Variants in MAP1A observed in about 807,000 individuals in gnomAD.
MAP1A encodes the protein microtubule associated protein 1A.
In MAP1A, 42 loss-of-function variants were observed where a neutral mutation model predicts 185.9. The ratio of observed to expected loss-of-function variants is 0.23; its 90% CI spans 0.18 to 0.29. MAP1A has a LOEUF of 0.29. Among genes scored for constraint, MAP1A ranks in the 10% least tolerant of loss-of-function variants. The probability of loss-of-function intolerance (pLI) is 1.00; values close to 1 mark genes in which losing one functional copy is unlikely to be tolerated. For synonymous variants in MAP1A, 1,229 were observed against 1,335.9 expected (o/e 0.92, Z 1.74); for missense variants, 2,995 against 3,450.4 (o/e 0.87, Z 3.31).
At position 43,529,917 on chromosome 15, in the gene MAP1A, C is replaced by A; in HGVS notation, c.8256+47C>A. ...GGAAGTAGTCTGGTCAACGCTCACTCAGAGGCAGTAGTGGAACACAGTCCC... is the reference window on the plus strand; with the variant it reads ...GGAAGTAGTCTGGTCAACGCTCACTAAGAGGCAGTAGTGGAACACAGTCCC... On this transcript the variant is annotated intron_variant, in intron 5 of 5. Transcript: ENST00000300231. The surrounding 1 kb of genome is among the most constrained non-coding windows in gnomAD (Gnocchi z 4.3). 6.3e-7 allele frequency: 1 copy of A among 1,586,346 alleles called. No individual in the cohort carries two copies. Among genetic ancestry groups the A allele is most frequent in the South Asian group, 1.1e-5 (1 of 90,024 alleles).
rs1487001045 is a variant in MAP1A at position 43,517,720 on chromosome 15, G to T, written c.-375+20G>T. Reference sequence around the variant, plus strand: ...CCCAGGGTAAGAACCGAACCAAAGGGCTTGGCATGTGGGGGTACACTGTGA... The same window carrying T: ...CCCAGGGTAAGAACCGAACCAAAGGTCTTGGCATGTGGGGGTACACTGTGA... On this transcript the variant is annotated intron_variant, in intron 1 of 5. Transcript: ENST00000300231. The T allele has an allele frequency of 1.1e-5, 10 of 935,938 alleles. No homozygotes were observed. The South Asian group carries it at 4.9e-4, about 46-fold the overall frequency. 58.0% of individuals were successfully genotyped at this position (935,938 alleles called of 1,614,324 possible). A position where few individuals can be genotyped will look rare whatever the true frequency, so the allele number is the denominator to read the frequency against.
rs756635169 is a variant in MAP1A at position 43,523,528 on chromosome 15, G to A, written c.2055G>A (p.Met685Ile). The change falls in exon 4 of 6, where the codon ATG becomes ATA. Residue 685 changes from methionine to isoleucine, a missense_variant. Around this residue, in one of 3 missense-constraint regions of MAP1A, gnomAD observed 2,728 missense variants for 2,986.0 expected, o/e 0.91. Coordinates refer to ENST00000300231, the MANE Select transcript of MAP1A (RefSeq NM_002373.6). ...CTGAGGGTTTTTACCAAAAACATAT[G>A]CAGGAACCCTTGAAGGTAACTCCAA... ...TKAEGFYQKH[M>I]QEPLKVTPRS... 3 of 1,614,174 alleles carry A rather than the reference G, an allele frequency of 1.9e-6. No individual in the cohort carries two copies. Among genetic ancestry groups the A allele is most frequent in the Middle Eastern group, 1.6e-4 (1 of 6,062 alleles).
In MAP1A at chr15:43,526,198, C is replaced by T. The variant is rs747504261; in HGVS notation, c.4725C>T (p.Asn1575=). Residue 1575 remains asparagine (N), a synonymous_variant, in exon 4 of 6, where the codon AAC becomes AAT. Transcript: ENST00000300231. The surrounding 1 kb of genome is among the most constrained non-coding windows in gnomAD (Gnocchi z 4.7). ...LEQNIQALEE[N]HQTQEQESLV... ...AAAACATTCAGGCTCTGGAAGAGAA[C>T]CACCAAACTCAGGAGCAGGAGAGCC... The T allele has an allele frequency of 9.9e-6, 16 of 1,613,444 alleles. No homozygotes were observed. The highest frequency in any genetic ancestry group is 2.2e-5 in the East Asian group (1 of 44,902).
At chr15:43,519,076 A>T (rs1431344076) in intron 1 of MAP1A, among the ~76,000 whole-genome samples, 1 of 152,110 alleles carries the variant, frequency 6.6e-6, no homozygotes, top group Non-Finnish European at 1.5e-5. Context: ...CCTACCTCAA[A>T]TTTATGACCT....
chr15:43,516,189 CT>C (rs201843735), upstream of MAP1A, among the ~76,000 whole-genome samples: 453 of 152,262 alleles, frequency 3.0e-3, 2 homozygotes, highest in Admixed American at 0.011. Flanking sequence ...CTGGTTTTCC[CT>C]GTGTATCTCT....
At position 43,524,764 on chromosome 15, in the gene MAP1A, A is replaced by C. The variant is rs779047519; in HGVS notation, c.3291A>C (p.Ala1097=). Residue 1097 remains alanine, a synonymous_variant, in exon 4 of 6, where the codon GCA becomes GCC. Coordinates refer to ENST00000300231, the MANE Select transcript of MAP1A (RefSeq NM_002373.6). ...TIQLLPAQDK[A]IVFEIMEAGE... ...AACTGTTGCCAGCACAGGATAAAGCAATAGTCTTTGAGATTATGGAGGCAG... is the reference window on the plus strand; with the variant it reads ...AACTGTTGCCAGCACAGGATAAAGCCATAGTCTTTGAGATTATGGAGGCAG... 1 of 1,614,174 alleles carries C rather than the reference A, an allele frequency of 6.2e-7. No individual in the cohort carries two copies. Among genetic ancestry groups the C allele is most frequent in the Admixed American group, 1.7e-5 (1 of 60,026 alleles).
chr15:43,531,144 TCCC>T lies in MAP1A; in HGVS notation c.*923_*925del, dbSNP rs1382496863. The T allele has an allele frequency of 6.6e-6, 1 of 152,562 alleles. No individual in the cohort carries two copies. Among genetic ancestry groups the T allele is most frequent in the Non-Finnish European group, 1.5e-5 (1 of 68,096 alleles). 9.5% of individuals were successfully genotyped at this position (152,562 alleles called of 1,614,324 possible). The stretch of plus-strand genomic sequence containing the variant: ...ATTTGACACCCCAGCAATGTGTGAC[TCCC>T]CCAACATTCCACTATGCCATCCTGC... On this transcript the variant is annotated 3_prime_UTR_variant, in exon 6 of 6. Coordinates refer to ENST00000300231, the MANE Select transcript of MAP1A (RefSeq NM_002373.6).
At chr15:43,518,917 G>C (rs918058622) in intron 1 of MAP1A, among the ~76,000 whole-genome samples, 1 of 152,190 alleles carries the variant, frequency 6.6e-6, no homozygotes, top group Admixed American at 6.5e-5. Flanking sequence ...CAGGGATAGA[G>C]TGAGGAACAG....
Position 43,525,422 on chromosome 15 carries a change from C to G in MAP1A, c.3949C>G (p.Leu1317Val), listed in dbSNP as rs759276154. ...GATCACAAGCCCTGATGAACACATT[C>G]TGACACCTGATAGCTCCTTCTCCAA... is the stretch of plus-strand genomic sequence containing the variant. ...GAITSPDEHILTPDSSFSKSP... is the reference protein window; with the variant it reads ...GAITSPDEHIVTPDSSFSKSP... The change falls in exon 4 of 6, where the codon CTG becomes GTG. Residue 1317 changes from leucine (L) to valine (V), a missense_variant. Leu to Val is a conservative substitution (Grantham distance 32). Coordinates refer to ENST00000300231, the MANE Select transcript of MAP1A (RefSeq NM_002373.6). The G allele has an allele frequency of 1.2e-6, 2 of 1,614,168 alleles. No individual in the cohort carries two copies. Among genetic ancestry groups the G allele is most frequent in the East Asian group, 2.2e-5 (1 of 44,890 alleles).
chr15:43,525,557 C>T lies in MAP1A; in HGVS notation c.4084C>T (p.Pro1362Ser). The change falls in exon 4 of 6, where the codon CCA becomes TCA. Residue 1362 changes from proline to serine, a missense_variant. By Grantham distance (74) the Pro-to-Ser change is moderately conservative. Coordinates refer to ENST00000300231, the MANE Select transcript of MAP1A (RefSeq NM_002373.6). ...RTSEQKKEPE[P>S]KDEVLQQKDK... is the part of the protein sequence containing the mutation. The stretch of plus-strand genomic sequence containing the variant: ...CTCAGAACAGAAGAAGGAACCTGAG[C>T]CAAAGGATGAAGTTTTACAGCAGAA... 1 of 1,614,144 alleles carries T rather than the reference C, an allele frequency of 6.2e-7. No homozygotes were observed. The highest frequency in any genetic ancestry group is 8.5e-7 in the Non-Finnish European group (1 of 1,180,032).
chr15:43,518,232 C>T (rs533896318), intron 1 of MAP1A, among the ~76,000 whole-genome samples: 4 of 152,184 alleles, frequency 2.6e-5, no homozygotes, highest in South Asian at 2.1e-4. Flanking sequence ...ACGTGGCACG[C>T]GCCTCCTTAC....
upstream of MAP1A, among the ~76,000 whole-genome samples, chr15:43,514,258 T>G (rs2079291048): frequency 6.6e-6 from 1 of 152,244 alleles, no homozygotes; most frequent in African/African-American, 2.4e-5. Flanking sequence ...TATCATGGTC[T>G]GTCTATGTCA....
chr15:43,518,383 C>T (rs1308650087), intron 1 of MAP1A, among the ~76,000 whole-genome samples: 2 of 152,124 alleles, frequency 1.3e-5, no homozygotes, highest in African/African-American at 4.8e-5. Context: ...CCCTGCATTT[C>T]CAGTCGTGTC....
rs199838635 is a variant in MAP1A, at chr15:43,523,776, T to G, written c.2303T>G (p.Phe768Cys). The part of the protein sequence containing the change: ...EPEERPAPPR[F>C]HTSTYDLPGP... ...GAGGAGCGCCCAGCTCCACCCAGAT[T>G]TCATACAAGTACATATGACCTGCCC... Residue 768 changes from phenylalanine to cysteine, a missense_variant, in exon 4 of 6, where the codon TTT becomes TGT. By Grantham distance (205) the Phe-to-Cys change is radical. Around this residue, in one of 3 missense-constraint regions of MAP1A, gnomAD observed 2,728 missense variants for 2,986.0 expected, o/e 0.91. Transcript: ENST00000300231. 226 of 1,613,918 alleles carry G rather than the reference T, an allele frequency of 1.4e-4. No individual in the cohort carries two copies. Among genetic ancestry groups the G allele is most frequent in the Non-Finnish European group, 1.9e-4 (219 of 1,180,014 alleles).
In MAP1A at chr15:43,521,798, C is replaced by T; in HGVS notation, c.325C>T (p.Leu109=). The T allele has an allele frequency of 6.2e-7, 1 of 1,614,242 alleles. No individual in the cohort carries two copies. Among genetic ancestry groups the T allele is most frequent in the Non-Finnish European group, 8.5e-7 (1 of 1,180,048 alleles). The change falls in exon 4 of 6, where the codon CTA becomes TTA. Residue 109 remains leucine (L), a synonymous_variant. Transcript: ENST00000300231. This position sits in a 1 kb window ranked among gnomAD's most constrained non-coding sequence, Gnocchi z 4.6. ...NGLLQRKVAE[L]EEEQSQGSSS... is the part of the protein sequence containing the mutation. ...ACTACTGCAGCGCAAAGTGGCAGAG[C>T]TAGAGGAGGAGCAGTCCCAGGGCTC...
rs1025574547 is a variant in MAP1A at position 43,511,021 on chromosome 15, C to T, written c.33C>T (p.His11=). ...CCGAGGCCGAGCCTGCGCGGCCTCA[C>T]GGCGTTGCCATGGAGACAACTCCGG... The change falls in exon 1 of 7, where the codon CAC becomes CAT. Residue 11 remains histidine (H), a synonymous_variant. Transcript: ENST00000382031. The T allele has an allele frequency of 8.4e-6, 13 of 1,547,494 alleles. No homozygotes were observed. The African/African-American group carries it at 1.6e-4, about 20-fold the overall frequency.
chr15:43,514,357 C>T (rs1269639554), upstream of MAP1A, among the ~76,000 whole-genome samples: 1 of 152,206 alleles, frequency 6.6e-6, no homozygotes, highest in Non-Finnish European at 1.5e-5. Flanking sequence ...TTCAGCTGTC[C>T]CCACAAACAA....
Position 43,524,209 on chromosome 15 carries a change from T to G in MAP1A, c.2736T>G (p.Cys912Trp). ...EEDKGFKSPP[C>W]EDFSVTGESE... ...ACAAGGGCTTCAAATCACCACCCTG[T>G]GAGGACTTCTCTGTGACTGGGGAGT... The change falls in exon 4 of 6, where the codon TGT becomes TGG. Residue 912 changes from cysteine to tryptophan, a missense_variant. Coordinates refer to ENST00000300231, the MANE Select transcript of MAP1A (RefSeq NM_002373.6). 1 of 1,614,056 alleles carries G rather than the reference T, an allele frequency of 6.2e-7. No homozygotes were observed. Among genetic ancestry groups the G allele is most frequent in the Non-Finnish European group, 8.5e-7 (1 of 1,179,992 alleles).
intron 2 of MAP1A, 68 bp from the exon 3 acceptor site, chr15:43,520,904 T>C (rs1595646528): frequency 6.8e-7 from 1 of 1,462,268 alleles, no homozygotes; most frequent in Middle Eastern, 1.7e-4. Context: ...CTTGAGGTAC[T>C]GAGGGGCCAT....
Sources: gnomAD v4.1 joint callset for allele counts (sites outside exome capture counted in the v4.1 genomes callset) on GRCh38, gnomAD v4.1.1 for gene constraint, gnomAD v4.1.1 regional missense constraint, Gnocchi (gnomAD v3.1) non-coding constraint, MANE v1.5 for transcripts, NCBI Gene and HGNC (gene_info 2026-07-23, HGNC 2026-07-21) for gene names.